The following CDC25C variants were observed in gnomAD, a reference collection of about 807,000 sequenced individuals.
CDC25C encodes M-phase inducer phosphatase 3.
A neutral mutation model predicts 52.5 loss-of-function variants in CDC25C; 48 were observed. The observed-to-expected ratio is 0.91, with a 90% CI of 0.72 to 1.16. The LOEUF is 1.16. CDC25C is among the 50% of genes most tolerant of loss of function. The probability of loss-of-function intolerance (pLI) is 0.00; values close to 1 mark genes in which losing one functional copy is unlikely to be tolerated. For missense variants in CDC25C, 510 were observed against 566.1 expected, an observed-to-expected ratio of 0.90 and a Z score of 1.01; for synonymous variants, 187 against 206.5, an observed-to-expected ratio of 0.91 and a Z score of 0.81.
intron 9 of CDC25C, 93 bp from the exon 10 acceptor site, chr5:138,289,656 C>T: frequency 1.0e-6 from 1 of 1,003,350 alleles, no homozygotes; most frequent in South Asian, 1.3e-5. Flanking sequence ...CCAAGTGACC[C>T]TTAAAACCCC....
At chr5:138,321,750 C>CAAAAAAAAAA (rs531353746) in intron 6 of CDC25C, among the ~76,000 whole-genome samples, 1 of 47,170 alleles carries the variant, frequency 2.1e-5, no homozygotes, top group African/African-American at 1.3e-4. Flanking sequence ...GACTCTGTCT[C>CAAAAAAAAAA]AAAAAAAAAA....
At chr5:138,329,087 T>G (rs1262715112) in intron 3 of CDC25C, among the ~76,000 whole-genome samples, 1 of 152,080 alleles carries the variant, frequency 6.6e-6, no homozygotes, top group Non-Finnish European at 1.5e-5. Context: ...GTATTTTTAG[T>G]AGAGATGGGG....
chr5:138,321,423 C>G (rs1182613240), intron 6 of CDC25C, among the ~76,000 whole-genome samples: 1 of 152,048 alleles, frequency 6.6e-6, no homozygotes, highest in Non-Finnish European at 1.5e-5. Context: ...TCCAGGTCTT[C>G]CCTCCATCCT....
At chr5:138,296,228 TTTTA>T (rs1008852423) in intron 7 of CDC25C, among the ~76,000 whole-genome samples, 6 of 152,132 alleles carry the variant, frequency 3.9e-5, no homozygotes, top group South Asian at 2.1e-4. Flanking sequence ...TTTTAGTTAT[TTTTA>T]TTTATTTATT....
At chr5:138,307,528 G>A (rs1343916603) in intron 7 of CDC25C, among the ~76,000 whole-genome samples, 2 of 145,696 alleles carry the variant, frequency 1.4e-5, no homozygotes, top group Non-Finnish European at 3.0e-5. Flanking sequence ...GAGAAAGAAG[G>A]AAAAAAAGAA....
chr5:138,323,939 C>T (rs1255441431), intron 6 of CDC25C, among the ~76,000 whole-genome samples: 1 of 140,724 alleles, frequency 7.1e-6, no homozygotes, highest in African/African-American at 2.7e-5. Context: ...GCCTGGACAA[C>T]AGAGCAAGAT....
intron 2 of CDC25C, among the ~76,000 whole-genome samples, chr5:138,330,648 T>C (rs1441854970): frequency 3.3e-5 from 5 of 152,104 alleles, no homozygotes; most frequent in African/African-American, 1.2e-4. Context: ...GCTGGGACTA[T>C]AGGTGCACAC....
intron 4 of CDC25C, 148 bp from the exon 5 acceptor site, chr5:138,326,202 G>GTAT (rs1218529444): frequency 3.7e-6 from 3 of 812,944 alleles, no homozygotes; most frequent in Non-Finnish European, 6.4e-6. Flanking sequence ...AATACATAGG[G>GTAT]TATTCTCTGT....
intron 8 of CDC25C, 58 bp downstream of exon 8, chr5:138,291,912 G>A: frequency 4.1e-6 from 6 of 1,464,406 alleles, no homozygotes; most frequent in Non-Finnish European, 5.6e-6. Context: ...CCTCATACCA[G>A]AAAAGCAAAG....
chr5:138,315,048 C>T (rs1331660958), intron 7 of CDC25C, among the ~76,000 whole-genome samples: 1 of 151,636 alleles, frequency 6.6e-6, no homozygotes, highest in African/African-American at 2.4e-5. Flanking sequence ...ATTCTACTGC[C>T]TCAGCCAGCC....
chr5:138,292,236 C>T (rs1756794639), intron 7 of CDC25C, 120 bp from the exon 8 acceptor site: 4 of 678,120 alleles, frequency 5.9e-6, no homozygotes, highest in Non-Finnish European at 7.2e-6. Context: ...AGGCCACACC[C>T]CAAACCTACT....
chr5:138,307,737 A>G (rs1339204567), intron 7 of CDC25C, among the ~76,000 whole-genome samples: 1 of 152,112 alleles, frequency 6.6e-6, no homozygotes, highest in Admixed American at 6.6e-5. Context: ...ATCAGCCTGG[A>G]CAATATAGAA....
At chr5:138,311,758 G>T (rs1758470882) in intron 7 of CDC25C, among the ~76,000 whole-genome samples, 1 of 152,092 alleles carries the variant, frequency 6.6e-6, no homozygotes, top group Non-Finnish European at 1.5e-5. Flanking sequence ...TCAACATAGT[G>T]AATAGGCAAC....
chr5:138,289,602 C>A (rs1290220221), intron 9 of CDC25C, 39 bp from the exon 10 acceptor site: 2 of 1,534,938 alleles, frequency 1.3e-6, no homozygotes, highest in Non-Finnish European at 1.8e-6. Context: ...GCAAGTATTC[C>A]ACACCCAAGT....
chr5:138,326,947 C>T (rs1193779867), intron 4 of CDC25C, among the ~76,000 whole-genome samples: 7 of 103,864 alleles, frequency 6.7e-5, no homozygotes, highest in Admixed American at 2.4e-4. Context: ...AGCAAAACTC[C>T]GTCTCAAAAA....
At chr5:138,332,342 C>T (rs746548398), upstream of CDC25C, among the ~76,000 whole-genome samples, 1 of 152,000 alleles carries the variant, frequency 6.6e-6, no homozygotes, top group Non-Finnish European at 1.5e-5. Flanking sequence ...AGTGTTGGGG[C>T]GAGACGGGTG....
chr5:138,306,415 C>T (rs575997355), intron 7 of CDC25C, among the ~76,000 whole-genome samples: 15 of 151,986 alleles, frequency 9.9e-5, no homozygotes, highest in African/African-American at 3.1e-4. Flanking sequence ...ACTAAGGTTA[C>T]GACAATCTCC....
chr5:138,319,503 T>C, intron 6 of CDC25C, 129 bp from the exon 7 acceptor site: 1 of 639,566 alleles, frequency 1.6e-6, no homozygotes, highest in South Asian at 3.3e-5. Context: ...ATTTGGATAA[T>C]GCCACCAAAA....
intron 7 of CDC25C, among the ~76,000 whole-genome samples, chr5:138,313,041 G>A (rs1758569517): frequency 6.6e-6 from 1 of 152,068 alleles, no homozygotes. Context: ...AGGGGCTGGG[G>A]AAGGGGGAGA....
Sources: allele counts gnomAD v4.1 joint callset (sites outside exome capture counted in the v4.1 genomes callset), GRCh38; gene constraint gnomAD v4.1.1; transcripts MANE v1.5; gene names NCBI Gene and HGNC (gene_info 2026-07-23, HGNC 2026-07-21).